Variants in N4BP2L1 observed in about 807,000 individuals in gnomAD.
The protein encoded by N4BP2L1 is NEDD4-binding protein 2-like 1.
In N4BP2L1, 12 loss-of-function variants were observed where a neutral mutation model predicts 21.2. That is an observed-to-expected ratio of 0.57 (90% confidence interval 0.36 to 0.92). The LOEUF (loss-of-function observed/expected upper bound fraction) is 0.92. N4BP2L1 is among the 40% of genes least tolerant of loss of function. The pLI is 0.01. For missense variants in N4BP2L1, 259 were observed against 310.6 expected, an observed-to-expected ratio of 0.83 and a Z score of 1.25; for synonymous variants, 104 against 112.8, an observed-to-expected ratio of 0.92 and a Z score of 0.49.
intron 3 of N4BP2L1, among the ~76,000 whole-genome samples, chr13:32,405,765 A>C (rs1253211553): frequency 1.3e-5 from 2 of 152,144 alleles, no homozygotes; most frequent in Non-Finnish European, 2.9e-5. Context: ...TAAGTATGCC[A>C]GTTAGCCCCA....
intron 1 of N4BP2L1, among the ~76,000 whole-genome samples, chr13:32,410,156 G>A (rs909673754): frequency 3.3e-5 from 5 of 152,244 alleles, no homozygotes; most frequent in Non-Finnish European, 7.3e-5. Flanking sequence ...GGGCCGATCT[G>A]CGGGCCTTGC....
At chr13:32,415,488 G>C (rs1263479489) in intron 1 of N4BP2L1, among the ~76,000 whole-genome samples, 1 of 151,656 alleles carries the variant, frequency 6.6e-6, no homozygotes, top group Non-Finnish European at 1.5e-5. Context: ...GGTTATTTTT[G>C]GCTATATTTA....
intron 1 of N4BP2L1, among the ~76,000 whole-genome samples, chr13:32,427,253 G>A (rs1224964004): frequency 6.6e-6 from 1 of 152,210 alleles, no homozygotes; most frequent in Non-Finnish European, 1.5e-5. Flanking sequence ...GTGCACCTGT[G>A]CGCCTTCGCA....
chr13:32,412,643 A>C (rs867377014), intron 1 of N4BP2L1, among the ~76,000 whole-genome samples: 115 of 146,232 alleles, frequency 7.9e-4, no homozygotes, highest in South Asian at 3.2e-3. Flanking sequence ...AACTGTCTCA[A>C]AAAAAAAAAA....
intron 3 of N4BP2L1, among the ~76,000 whole-genome samples, chr13:32,404,769 GTCCTAT>G (rs2073367364): frequency 6.6e-6 from 1 of 151,676 alleles, no homozygotes; most frequent in African/African-American, 2.4e-5. Flanking sequence ...CAGATGCCTT[GTCCTAT>G]TCCTCATGCC....
intron 1 of N4BP2L1, 68 bp from the exon 2 acceptor site, chr13:32,407,840 C>A: frequency 6.8e-7 from 1 of 1,474,044 alleles, no homozygotes; most frequent in East Asian, 2.3e-5. Flanking sequence ...GAAATAATCT[C>A]CTTCCATCTC....
intron 4 of N4BP2L1, chr13:32,404,105 C>A: frequency 6.5e-7 from 1 of 1,544,294 alleles, no homozygotes; most frequent in South Asian, 1.2e-5. Flanking sequence ...GGACCAAGTC[C>A]AAGCCAAGAT....
At chr13:32,411,831 C>T (rs1419491090) in intron 1 of N4BP2L1, 1 of 949,572 alleles carries the variant, frequency 1.1e-6, no homozygotes, top group Admixed American at 6.2e-5. Flanking sequence ...CAGTCACTCA[C>T]TGAGAAAGTC....
chr13:32,406,886 G>A (rs144382785), intron 3 of N4BP2L1: 78 of 230,498 alleles, frequency 3.4e-4, no homozygotes, highest in African/African-American at 1.8e-3. Context: ...GTGACCTGTA[G>A]CTCCACTACG....
Position 32,422,704 on chromosome 13 carries a change from T to C in N4BP2L1, c.179+5200A>G, listed in dbSNP as rs9595490. On this transcript the variant is annotated intron_variant, in intron 1 of 4. Coordinates refer to ENST00000380130, the MANE Select transcript of N4BP2L1 (RefSeq NM_052818.3). ...ACAAGCACATACCACGCTGTATATTTGCACTCTTTGTTAAACAGATACAGC... is the reference window on the plus strand; with the variant it reads ...ACAAGCACATACCACGCTGTATATTCGCACTCTTTGTTAAACAGATACAGC... 5.9e-3 allele frequency among the ~76,000 whole-genome samples: 905 copies of C among 152,286 alleles called. 12 individuals carry two copies. Among genetic ancestry groups the C allele is most frequent in the African/African-American group, 0.021 (863 of 41,548 alleles).
Position 32,403,205 on chromosome 13 carries a change from A to G in N4BP2L1, c.474-5T>C, listed in dbSNP as rs372192563. On this transcript the variant is annotated splice_polypyrimidine_tract_variant and splice_region_variant and intron_variant, in intron 4 of 4. Coordinates refer to ENST00000380130, the MANE Select transcript of N4BP2L1 (RefSeq NM_052818.3). Reference sequence around the variant, plus strand: ...GAGACACCATGAATGTTTCTTCTACATGGAAAAAAAATGCATTTAGTTAAG... The same window carrying G: ...GAGACACCATGAATGTTTCTTCTACGTGGAAAAAAAATGCATTTAGTTAAG... 22 of 1,584,354 alleles carry G rather than the reference A, an allele frequency of 1.4e-5. No individual in the cohort carries two copies. In the African/African-American group the frequency reaches 1.9e-4, roughly 14 times the overall value.
intron 1 of N4BP2L1, among the ~76,000 whole-genome samples, chr13:32,413,027 A>T (rs1238105483): frequency 2.0e-5 from 3 of 151,990 alleles, no homozygotes; most frequent in Non-Finnish European, 2.9e-5. Flanking sequence ...GGGTTCAATC[A>T]ATTCTCTTGC....
intron 1 of N4BP2L1, among the ~76,000 whole-genome samples, chr13:32,419,239 C>CTTTTT (rs34280009): frequency 9.8e-5 from 6 of 61,322 alleles, no homozygotes; most frequent in Admixed American, 2.3e-4. Flanking sequence ...CAAGATCTGG[C>CTTTTT]TTTTTTTTTT....
In N4BP2L1 at chr13:32,402,722, T is replaced by C; in HGVS notation, c.*220A>G. The C allele has an allele frequency of 7.5e-7, 1 of 1,329,478 alleles. No homozygotes were observed. The highest frequency in any genetic ancestry group is 9.6e-7 in the Non-Finnish European group (1 of 1,043,410). 82.4% of individuals were successfully genotyped at this position (1,329,478 alleles called of 1,614,324 possible). On this transcript the variant is annotated 3_prime_UTR_variant, in exon 5 of 5. Transcript: ENST00000380130. ...AAATTCTTACCCTAGAGAAAGAGAC[T>C]GTTTACTCAAATCTGCAGAATTCCC...
chr13:32,419,828 C>T (rs1317159344), intron 1 of N4BP2L1, among the ~76,000 whole-genome samples: 2 of 152,216 alleles, frequency 1.3e-5, no homozygotes, highest in Non-Finnish European at 2.9e-5. Context: ...AGGATTCTTC[C>T]TGGATCCCAG....
intron 3 of N4BP2L1, among the ~76,000 whole-genome samples, chr13:32,406,007 A>G (rs2073472833): frequency 7.1e-6 from 1 of 140,434 alleles, no homozygotes; most frequent in South Asian, 2.2e-4. Flanking sequence ...GGTTCACGCC[A>G]TTCTCCTGCC....
At chr13:32,413,936 C>T (rs2073995172) in intron 1 of N4BP2L1, among the ~76,000 whole-genome samples, 1 of 134,812 alleles carries the variant, frequency 7.4e-6, no homozygotes, top group Non-Finnish European at 1.5e-5. Context: ...GGCTGGAGTG[C>T]AGTGGCGCGA....
intron 1 of N4BP2L1, among the ~76,000 whole-genome samples, chr13:32,422,471 T>A (rs996858511): frequency 6.6e-6 from 1 of 152,224 alleles, no homozygotes; most frequent in Non-Finnish European, 1.5e-5. Flanking sequence ...TCTCCTGAAC[T>A]TTTCCTTTGA....
At position 32,402,869 on chromosome 13, in the gene N4BP2L1, A is replaced by G. The variant is rs934830009; in HGVS notation, c.*73T>C. ...CACTGGAATTGGAGCTCTGACTAAA[A>G]TGCAACAAAAAATAACAAAAACTGA... On this transcript the variant is annotated 3_prime_UTR_variant, in exon 5 of 5. Coordinates refer to ENST00000380130, the MANE Select transcript of N4BP2L1 (RefSeq NM_052818.3). The G allele has an allele frequency of 6.8e-5, 103 of 1,506,594 alleles. No individual in the cohort carries two copies. The highest frequency in any genetic ancestry group is 2.8e-4 in the Admixed American group (12 of 43,438). 93.3% of individuals were successfully genotyped at this position (1,506,594 alleles called of 1,614,324 possible). A position where few individuals can be genotyped will look rare whatever the true frequency, so the allele number is the denominator to read the frequency against.
Sources: gnomAD v4.1 joint callset for allele counts (sites outside exome capture counted in the v4.1 genomes callset) on GRCh38, gnomAD v4.1.1 for gene constraint, MANE v1.5 for transcripts, NCBI Gene and HGNC (gene_info 2026-07-23, HGNC 2026-07-21) for gene names.